Variants in ZNF385D observed in about 807,000 individuals in gnomAD.
The protein encoded by ZNF385D is zinc finger protein 385D.
A neutral mutation model predicts 35.8 loss-of-function variants in ZNF385D; 15 were observed. The observed-to-expected ratio is 0.42, with a 90% CI of 0.28 to 0.64. The LOEUF is 0.64. Among genes scored for constraint, ZNF385D ranks in the 30% least tolerant of loss-of-function variants. The pLI is 0.23. For missense variants in ZNF385D, 474 were observed against 494.6 expected, an observed-to-expected ratio of 0.96 and a Z score of 0.39; for synonymous variants, 212 against 186.8, an observed-to-expected ratio of 1.13 and a Z score of -1.10.
intron 3 of ZNF385D, among the ~76,000 whole-genome samples, chr3:22,025,385 G>A (rs147458708): frequency 4.6e-5 from 7 of 152,240 alleles, no homozygotes; most frequent in Admixed American, 2.0e-4. Flanking sequence ...TAGAGGTGAC[G>A]TTGAGAGTGT....
chr3:22,343,590 A>G (rs1469303962), intron 2 of ZNF385D, among the ~76,000 whole-genome samples: 1 of 152,136 alleles, frequency 6.6e-6, no homozygotes, highest in Non-Finnish European at 1.5e-5. Context: ...GGCCTTGGCC[A>G]TGTTCCTTGA....
intron 2 of ZNF385D, among the ~76,000 whole-genome samples, chr3:22,290,542 C>T (rs1047350852): frequency 3.3e-5 from 5 of 152,136 alleles, no homozygotes; most frequent in Non-Finnish European, 7.4e-5. Flanking sequence ...CACTCATTCC[C>T]GGATGCCCAG....
At chr3:22,080,677 T>G (rs1700703039) in intron 3 of ZNF385D, among the ~76,000 whole-genome samples, 1 of 152,018 alleles carries the variant, frequency 6.6e-6, no homozygotes, top group African/African-American at 2.4e-5. Context: ...ATTCTGAATG[T>G]TTTTTGTCCC....
intron 3 of ZNF385D, among the ~76,000 whole-genome samples, chr3:22,041,040 C>T (rs912629268): frequency 2.0e-5 from 3 of 151,988 alleles, no homozygotes; most frequent in Non-Finnish European, 4.4e-5. Flanking sequence ...TAAAGGACAA[C>T]ATTAAAGGTA....
At chr3:21,570,621 G>C (rs1463720578) in intron 2 of ZNF385D, among the ~76,000 whole-genome samples, 3 of 152,088 alleles carry the variant, frequency 2.0e-5, no homozygotes, top group Non-Finnish European at 4.4e-5. Context: ...TAACTTTAAA[G>C]GTTACACTTA....
At chr3:21,613,013 A>G (rs1229661586) in intron 2 of ZNF385D, among the ~76,000 whole-genome samples, 2 of 149,556 alleles carry the variant, frequency 1.3e-5, no homozygotes, top group African/African-American at 4.9e-5. Context: ...TTTTTTCAAA[A>G]CCAGGGTACT....
chr3:21,545,283 T>C (rs1350723619), intron 3 of ZNF385D, among the ~76,000 whole-genome samples: 1 of 152,192 alleles, frequency 6.6e-6, no homozygotes, highest in Non-Finnish European at 1.5e-5. Context: ...ACTTTAGAGA[T>C]TGTAACATTG....
chr3:21,805,905 G>A (rs982010751), intron 3 of ZNF385D, among the ~76,000 whole-genome samples: 15 of 152,142 alleles, frequency 9.9e-5, no homozygotes, highest in Non-Finnish European at 2.1e-4. Flanking sequence ...ACTGCTTCAT[G>A]TCCCTTCTAC....
intron 3 of ZNF385D, among the ~76,000 whole-genome samples, chr3:21,895,866 GAA>G (rs1699108985): frequency 6.6e-6 from 1 of 151,970 alleles, no homozygotes; most frequent in African/African-American, 2.4e-5. Context: ...GCAGGGAAAG[GAA>G]AAAGAGTCTA....
chr3:21,511,062 AT>A (rs1247070112), intron 3 of ZNF385D, 39 bp from the exon 4 acceptor site: 6 of 1,611,514 alleles, frequency 3.7e-6, no homozygotes, highest in South Asian at 2.2e-5. Context: ...AATCAGGCTC[AT>A]TTCTAAACTG....
chr3:21,812,242 G>T lies in ZNF385D; in HGVS notation c.326-147214C>A, dbSNP rs540639264. Among the ~76,000 whole-genome samples, 53 of 152,326 alleles carry T rather than the reference G, an allele frequency of 3.5e-4. 1 individual carries two copies. The highest frequency in any genetic ancestry group is 6.2e-4 in the Non-Finnish European group (42 of 68,034). On this transcript the variant is annotated intron_variant, in intron 3 of 5. Coordinates refer to the ZNF385D transcript ENST00000494108. ...TACTTAAGGATCCGGTTCCAAGATGGTCGAATAGGAACAGCTCCAGTCTAC... is the reference window on the plus strand; with the variant it reads ...TACTTAAGGATCCGGTTCCAAGATGTTCGAATAGGAACAGCTCCAGTCTAC...
At position 21,813,666 on chromosome 3, in the gene ZNF385D, G is replaced by A. The variant is rs536576920; in HGVS notation, c.326-148638C>T. ...AAGTTTAGAGAAAAAAGAGTAAAAAGAAATGAACAAAGCCTCCAAGAAATA... is the reference window on the plus strand; with the variant it reads ...AAGTTTAGAGAAAAAAGAGTAAAAAAAAATGAACAAAGCCTCCAAGAAATA... On this transcript the variant is annotated intron_variant, in intron 3 of 5. Transcript: ENST00000494108. Among the ~76,000 whole-genome samples, 1,085 of 152,000 alleles carry A rather than the reference G, an allele frequency of 7.1e-3. 7 individuals carry two copies. Among genetic ancestry groups the A allele is most frequent in the South Asian group, 0.014 (66 of 4,810 alleles).
chr3:21,592,314 TA>T (rs1204113570), intron 2 of ZNF385D, among the ~76,000 whole-genome samples: 4 of 152,260 alleles, frequency 2.6e-5, no homozygotes, highest in African/African-American at 9.6e-5. Context: ...TGTTCTTCAG[TA>T]TTCCATCTGT....
intron 3 of ZNF385D, among the ~76,000 whole-genome samples, chr3:21,825,009 G>A (rs913136116): frequency 2.0e-5 from 3 of 152,096 alleles, no homozygotes; most frequent in African/African-American, 7.2e-5. Flanking sequence ...CTTCATGATG[G>A]TTACAGAAAC....
At chr3:21,838,679 G>A (rs1414756691) in intron 3 of ZNF385D, among the ~76,000 whole-genome samples, 1 of 152,014 alleles carries the variant, frequency 6.6e-6, no homozygotes, top group African/African-American at 2.4e-5. Context: ...ATGCTCAAAT[G>A]AGCCCTAGCT....
At chr3:21,730,566 G>A (rs1044408509) in intron 1 of ZNF385D, among the ~76,000 whole-genome samples, 8 of 152,148 alleles carry the variant, frequency 5.3e-5, no homozygotes, top group South Asian at 2.1e-4. Context: ...ACTGTCTAAT[G>A]CTAACGATAG....
In ZNF385D at chr3:21,879,853, G is replaced by A. The variant is rs142502993; in HGVS notation, c.326-214825C>T. ...ATATTACAATGAATAGGAGAAAAGC[G>A]TGGACAGTCATACTTTTTTAATGGT... On this transcript the variant is annotated intron_variant, in intron 3 of 5. Coordinates refer to the ZNF385D transcript ENST00000494108. Among the ~76,000 whole-genome samples the A allele has an allele frequency of 5.4e-3, 826 of 151,976 alleles. 5 individuals are homozygous for A. The highest frequency in any genetic ancestry group is 8.4e-3 in the Non-Finnish European group (568 of 67,914).
intron 3 of ZNF385D, among the ~76,000 whole-genome samples, chr3:21,788,690 T>C (rs2071801488): frequency 6.6e-6 from 1 of 152,218 alleles, no homozygotes; most frequent in Non-Finnish European, 1.5e-5. Context: ...GGGGCATATG[T>C]GCATTTTTAA....
At chr3:21,691,257 C>T (rs921505201) in intron 1 of ZNF385D, among the ~76,000 whole-genome samples, 6 of 152,164 alleles carry the variant, frequency 3.9e-5, no homozygotes, top group East Asian at 1.9e-4. Context: ...GACATAGCCA[C>T]GCTCGCTGGC....
Sources: gnomAD v4.1 joint callset for allele counts (sites outside exome capture counted in the v4.1 genomes callset) on GRCh38, gnomAD v4.1.1 for gene constraint, MANE v1.5 for transcripts, NCBI Gene and HGNC (gene_info 2026-07-23, HGNC 2026-07-21) for gene names.